The following NPAS3 variants were observed in gnomAD, a reference collection of about 807,000 sequenced individuals.
NPAS3 encodes the protein neuronal PAS domain protein 3, also known as neuronal PAS domain-containing protein 3.
A neutral mutation model predicts 73.1 loss-of-function variants in NPAS3; 14 were observed. That is an observed-to-expected ratio of 0.19 (90% confidence interval 0.13 to 0.30). The LOEUF is 0.30. Ranked by LOEUF, NPAS3 falls within the 10% of genes least tolerant of loss-of-function variation. The probability of loss-of-function intolerance (pLI) is 1.00; values close to 1 mark genes in which losing one functional copy is unlikely to be tolerated. For synonymous variants in NPAS3, 620 were observed against 541.5 expected, an observed-to-expected ratio of 1.14 and a Z score of -2.01; for missense variants, 1,096 against 1,250.0, an observed-to-expected ratio of 0.88 and a Z score of 1.86.
At chr14:33,080,317 A>G (rs1439016062) in intron 2 of NPAS3, among the ~76,000 whole-genome samples, 1 of 152,074 alleles carries the variant, frequency 6.6e-6, no homozygotes, top group African/African-American at 2.4e-5. Flanking sequence ...CGTGTTAGCC[A>G]GGATGGTCTC....
At chr14:33,026,295 T>TTTCTGTGTACCTCTTATCTTGCTCAC (rs1296624280) in intron 1 of NPAS3, among the ~76,000 whole-genome samples, 1 of 152,226 alleles carries the variant, frequency 6.6e-6, no homozygotes, top group East Asian at 1.9e-4. Context: ...TGGTTTGACC[T>TTTCTGTGTACCTCTTATCTTGCTCAC]TTCTGTGTAC....
intron 1 of NPAS3, among the ~76,000 whole-genome samples, chr14:32,984,627 G>A (rs2038028339): frequency 1.3e-5 from 2 of 152,086 alleles, no homozygotes; most frequent in African/African-American, 2.4e-5. Flanking sequence ...AACATTATCA[G>A]TGAATTGGAT....
intron 3 of NPAS3, among the ~76,000 whole-genome samples, chr14:33,301,573 G>A (rs949072984): frequency 3.3e-5 from 5 of 151,944 alleles, no homozygotes; most frequent in African/African-American, 4.8e-5. Context: ...TACTCTTGGC[G>A]AACTGGAATG....
At chr14:33,423,403 C>T (rs2048432953) in intron 4 of NPAS3, among the ~76,000 whole-genome samples, 1 of 151,920 alleles carries the variant, frequency 6.6e-6, no homozygotes, top group Non-Finnish European at 1.5e-5. Flanking sequence ...TTCAATACAA[C>T]AATTTTACCC....
At chr14:32,965,687 A>G (rs538056691) in intron 1 of NPAS3, among the ~76,000 whole-genome samples, 2 of 152,330 alleles carry the variant, frequency 1.3e-5, no homozygotes, top group Admixed American at 6.5e-5. Flanking sequence ...TCTATTTGAC[A>G]TGGTACTGAA....
intron 2 of NPAS3, among the ~76,000 whole-genome samples, chr14:33,157,651 A>C (rs10483428): frequency 0.05 from 7,635 of 152,310 alleles, 323 homozygotes; most frequent in African/African-American, 0.12. Flanking sequence ...TCCATGATTC[A>C]GGAAATAAGA....
intron 6 of NPAS3, among the ~76,000 whole-genome samples, chr14:33,724,528 G>A (rs2061209034): frequency 6.6e-6 from 1 of 152,114 alleles, no homozygotes; most frequent in South Asian, 2.1e-4. Flanking sequence ...CAGCTACTCA[G>A]GAGGCTGAAG....
At chr14:33,374,707 G>A (rs1315143) in intron 4 of NPAS3, among the ~76,000 whole-genome samples, 5 of 135,374 alleles carry the variant, frequency 3.7e-5, no homozygotes, top group African/African-American at 2.8e-5. Context: ...GTCGGGGCGG[G>A]GGGGGGAGTA....
At chr14:33,031,291 C>T (rs983481186) in intron 1 of NPAS3, among the ~76,000 whole-genome samples, 4 of 152,076 alleles carry the variant, frequency 2.6e-5, no homozygotes, top group African/African-American at 4.8e-5. Flanking sequence ...ATTTGATTCT[C>T]GAGTTAGTTA....
Position 33,021,697 on chromosome 14 carries a change from T to C in NPAS3, c.51-34208T>C, listed in dbSNP as rs569597074. Among the ~76,000 whole-genome samples, 10 of 152,344 alleles carry C rather than the reference T, an allele frequency of 6.6e-5. No homozygotes were observed. The South Asian group carries it at 2.1e-3, about 32-fold the overall frequency. On this transcript the variant is annotated intron_variant, in intron 1 of 11. Transcript: ENST00000356141. ...ATTTGCACCCTAATATTCCTTTCTC[T>C]TCTGAGCCCCTCAGCACTTTTGGTC...
intron 1 of NPAS3, among the ~76,000 whole-genome samples, chr14:32,996,559 C>A (rs1484108075): frequency 6.6e-6 from 1 of 152,116 alleles, no homozygotes; most frequent in Non-Finnish European, 1.5e-5. Context: ...GGATGTGGTG[C>A]CCTGTATCCC....
intron 1 of NPAS3, among the ~76,000 whole-genome samples, chr14:32,977,684 A>T (rs1208926221): frequency 6.9e-6 from 1 of 144,010 alleles, no homozygotes; most frequent in African/African-American, 2.4e-5. Context: ...GTGAACCGTG[A>T]TTGCACCACT....
chr14:33,377,251 AAAAG>A (rs1046405006), intron 4 of NPAS3, among the ~76,000 whole-genome samples: 2 of 152,214 alleles, frequency 1.3e-5, no homozygotes, highest in African/African-American at 4.8e-5. Flanking sequence ...AAGAAACTGA[AAAAG>A]AGAGAGTTTA....
intron 2 of NPAS3, among the ~76,000 whole-genome samples, chr14:33,210,123 G>C (rs959074774): frequency 6.6e-6 from 1 of 152,112 alleles, no homozygotes; most frequent in African/African-American, 2.4e-5. Context: ...AACCTTCTCT[G>C]TGAAGTGGGG....
chr14:33,261,787 G>C (rs2048985028), intron 3 of NPAS3, among the ~76,000 whole-genome samples: 1 of 152,134 alleles, frequency 6.6e-6, no homozygotes, highest in Admixed American at 6.6e-5. Flanking sequence ...ATGTAATAGA[G>C]TTTGAAATTC....
At chr14:33,577,445 G>A (rs888063301) in intron 5 of NPAS3, among the ~76,000 whole-genome samples, 3 of 152,132 alleles carry the variant, frequency 2.0e-5, no homozygotes, top group Admixed American at 2.0e-4. Flanking sequence ...TATAAAGAGG[G>A]GGGAGGTTTC....
chr14:33,571,351 T>C (rs2056206300), intron 5 of NPAS3, among the ~76,000 whole-genome samples: 1 of 152,174 alleles, frequency 6.6e-6, no homozygotes, highest in Non-Finnish European at 1.5e-5. Context: ...TGGACATTTT[T>C]TCGTAAGCAC....
At chr14:33,553,890 G>T (rs1463804235) in intron 4 of NPAS3, among the ~76,000 whole-genome samples, 2 of 152,140 alleles carry the variant, frequency 1.3e-5, no homozygotes, top group African/African-American at 2.4e-5. Context: ...CCTTGAAGTC[G>T]CTTGGAGTCC....
At chr14:33,774,517 T>G in exon 8 of NPAS3, 1 of 1,613,730 alleles carries the variant, frequency 6.2e-7, no homozygotes, top group South Asian at 1.1e-5. Context: ...CAATATCATT[T>G]ACTGTGAAAA....
Sources: gnomAD v4.1 joint callset for allele counts (sites outside exome capture counted in the v4.1 genomes callset) on GRCh38, gnomAD v4.1.1 for gene constraint, MANE v1.5 for transcripts, NCBI Gene and HGNC (gene_info 2026-07-23, HGNC 2026-07-21) for gene names.